ADCY1: variants seen among roughly 807,000 people sequenced by gnomAD.
The protein encoded by ADCY1 is adenylate cyclase 1.
A neutral mutation model predicts 105.4 loss-of-function variants in ADCY1; 28 were observed. That is an observed-to-expected ratio of 0.27 (90% confidence interval 0.20 to 0.36). ADCY1 has a LOEUF of 0.36. Ranked by LOEUF, ADCY1 falls within the 10% of genes least tolerant of loss-of-function variation. The pLI, the probability that ADCY1 is intolerant of heterozygous loss-of-function variation, is 1.00. For missense variants in ADCY1, 977 were observed against 1,434.2 expected, an observed-to-expected ratio of 0.68 and a Z score of 5.15; for synonymous variants, 655 against 623.8, an observed-to-expected ratio of 1.05 and a Z score of -0.75.
intron 2 of ADCY1, among the ~76,000 whole-genome samples, chr7:45,606,068 A>AG (rs1164638141): frequency 1.3e-5 from 2 of 152,088 alleles, no homozygotes; most frequent in African/African-American, 4.8e-5. Context: ...CCATGTGGGG[A>AG]GGGCTCCTTC....
At chr7:45,619,056 G>A (rs763585876) in intron 3 of ADCY1, among the ~76,000 whole-genome samples, 2 of 152,184 alleles carry the variant, frequency 1.3e-5, no homozygotes, top group African/African-American at 2.4e-5. Flanking sequence ...TCTGTCATTT[G>A]TGTCAACATG....
intron 5 of ADCY1, among the ~76,000 whole-genome samples, chr7:45,657,032 C>G (rs1794960225): frequency 6.6e-6 from 1 of 152,192 alleles, no homozygotes; most frequent in East Asian, 1.9e-4. Flanking sequence ...CTGGGGTTTC[C>G]CAGAAGCCCT....
chr7:45,588,248 C>A, intron 1 of ADCY1, among the ~76,000 whole-genome samples: 1 of 151,872 alleles, frequency 6.6e-6, no homozygotes, highest in South Asian at 2.1e-4. Context: ...TGTGTGTGTG[C>A]GTGTGTGTGT....
At chr7:45,581,723 A>G (rs1254649328) in intron 1 of ADCY1, among the ~76,000 whole-genome samples, 1 of 152,212 alleles carries the variant, frequency 6.6e-6, no homozygotes, top group African/African-American at 2.4e-5. Flanking sequence ...GAGCAAGGTA[A>G]TAGGAAGAGA....
chr7:45,701,660 T>C (rs1053683750), intron 14 of ADCY1, among the ~76,000 whole-genome samples: 4 of 152,202 alleles, frequency 2.6e-5, no homozygotes, highest in Non-Finnish European at 4.4e-5. Flanking sequence ...TAATTAATAA[T>C]GTGGGTCCTA....
chr7:45,679,785 C>G lies in ADCY1; in HGVS notation c.1975C>G (p.Arg659Gly). Residue 659 changes from arginine (R) to glycine (G), a missense_variant, in exon 11 of 20, where the codon CGG becomes GGG. Physicochemically the swap from Arg to Gly is moderately radical, Grantham distance 125. Coordinates refer to ENST00000297323, the MANE Select transcript of ADCY1 (RefSeq NM_021116.4). The part of the protein sequence containing the change: ...VACVLYLHIT[R>G]VQCFPGCLTI... ...CTGTGTCCTGTACCTGCACATCACC[C>G]GGGTCCAGGTATGTGGGTGGCCTGT... is the stretch of plus-strand genomic sequence containing the variant. The G allele has an allele frequency of 6.2e-7, 1 of 1,613,884 alleles. No homozygotes were observed. The highest frequency in any genetic ancestry group is 8.5e-7 in the Non-Finnish European group (1 of 1,179,936).
rs1384969499 is a variant in ADCY1 at position 45,627,088 on chromosome 7, A to G, written c.1020+4345A>G. Among the ~76,000 whole-genome samples the G allele has an allele frequency of 2.6e-5, 4 of 152,240 alleles. No homozygotes were observed. The East Asian group carries it at 5.8e-4, about 22-fold the overall frequency. On this transcript the variant is annotated intron_variant, in intron 4 of 19. Coordinates refer to ENST00000297323, the MANE Select transcript of ADCY1 (RefSeq NM_021116.4). ...CTTGAGTTTGGCTGCACTATGCAAC[A>G]TGAGGAGACAAAGGCCAAGTTGTTG...
intron 1 of ADCY1, among the ~76,000 whole-genome samples, chr7:45,583,951 T>TTG (rs1562673097): frequency 1.4e-5 from 2 of 145,414 alleles, no homozygotes; most frequent in Admixed American, 6.8e-5. Context: ...TTTTTTTTTT[T>TTG]TTTTTTTTTT....
At chr7:45,589,608 A>G (rs963187122) in intron 1 of ADCY1, among the ~76,000 whole-genome samples, 9 of 152,118 alleles carry the variant, frequency 5.9e-5, no homozygotes, top group Non-Finnish European at 1.2e-4. Flanking sequence ...GGAACTCTCA[A>G]TTCCAACACA....
rs531943538 is a variant in ADCY1 at position 45,606,748 on chromosome 7, C to T, written c.790-3631C>T. Among the ~76,000 whole-genome samples the T allele has an allele frequency of 1.4e-4, 21 of 152,308 alleles. No homozygotes were observed. The East Asian group carries it at 4.0e-3, about 29-fold the overall frequency. ...TTTTTTTAAGAGTACATTTAAGTCA[C>T]ATTTTGATAATCAAGATAAATTCGT... On this transcript the variant is annotated intron_variant, in intron 2 of 19. Coordinates refer to ENST00000297323, the MANE Select transcript of ADCY1 (RefSeq NM_021116.4).
At chr7:45,633,106 C>T (rs934503023) in intron 4 of ADCY1, among the ~76,000 whole-genome samples, 6 of 152,076 alleles carry the variant, frequency 3.9e-5, no homozygotes, top group African/African-American at 7.2e-5. Context: ...TTGGTAGAGA[C>T]GAGGTTTCAC....
intron 6 of ADCY1, 32 bp downstream of exon 6, chr7:45,657,917 AGGTG>A: frequency 2.3e-6 from 1 of 431,054 alleles, no homozygotes; most frequent in Non-Finnish European, 4.6e-6. Flanking sequence ...GAGGGGAGGG[AGGTG>A]GGTGATGGCT....
intron 4 of ADCY1, among the ~76,000 whole-genome samples, chr7:45,640,655 G>A (rs1729415535): frequency 6.6e-6 from 1 of 152,110 alleles, no homozygotes; most frequent in South Asian, 2.1e-4. Flanking sequence ...CATTATTTGA[G>A]GTCGCCAGCA....
At chr7:45,697,543 A>C (rs535822284) in intron 14 of ADCY1, among the ~76,000 whole-genome samples, 1 of 152,212 alleles carries the variant, frequency 6.6e-6, no homozygotes, top group African/African-American at 2.4e-5. Context: ...GGCATGCGCC[A>C]CCACGCCCGG....
chr7:45,647,924 T>G lies in ADCY1; in HGVS notation c.1021-746T>G, dbSNP rs1794706196. ...TTCAAGACATAAAGGGGTCCTGAAA[T>G]GGAAATGTTTTAGAGCTGCTGTTTT... On this transcript the variant is annotated intron_variant, in intron 4 of 19. Transcript: ENST00000297323. This position sits in a 1 kb window ranked among gnomAD's most constrained non-coding sequence, Gnocchi z 4.6. Among the ~76,000 whole-genome samples, 1 of 152,182 alleles carries G rather than the reference T, an allele frequency of 6.6e-6. No homozygotes were observed. The highest frequency in any genetic ancestry group is 1.5e-5 in the Non-Finnish European group (1 of 68,030).
chr7:45,605,193 ATTAT>A (rs1445599978), intron 2 of ADCY1, among the ~76,000 whole-genome samples: 1 of 152,144 alleles, frequency 6.6e-6, no homozygotes, highest in African/African-American at 2.4e-5. Flanking sequence ...TCTGAACTTA[ATTAT>A]TTGTTCTAGG....
Position 45,714,014 on chromosome 7 carries a change from C to G in ADCY1, c.*19C>G. 1.3e-6 allele frequency: 1 copy of G among 761,132 alleles called. No homozygotes were observed. Among genetic ancestry groups the G allele is most frequent in the Non-Finnish European group, 2.5e-6 (1 of 406,506 alleles). 47.1% of individuals were successfully genotyped at this position (761,132 alleles called of 1,614,324 possible). A position where few individuals can be genotyped will look rare whatever the true frequency, so the allele number is the denominator to read the frequency against. On this transcript the variant is annotated 3_prime_UTR_variant, in exon 20 of 20. Coordinates refer to ENST00000297323, the MANE Select transcript of ADCY1 (RefSeq NM_021116.4). ...GGCTTAGTGGAGCCCACGTGGGCCT[C>G]TGGGGTGCACATGGGGTGGGAATGC... is the stretch of plus-strand genomic sequence containing the variant.
In ADCY1 at chr7:45,678,184, G is replaced by C. The variant is rs1784495656; in HGVS notation, c.1819G>C (p.Glu607Gln). ...REQKYHQLQD[E>Q]YFTSAVVLTL... ...TACACAGTACCACCAGCTTCAGGAC[G>C]AGTATTTCACCAGCGCCGTTGTCCT... The change falls in exon 10 of 20, where the codon GAG (glutamate) becomes CAG (glutamine). Residue 607 changes from glutamate to glutamine, a missense_variant. By Grantham distance (29) the Glu-to-Gln change is conservative. Transcript: ENST00000297323. 4 of 1,614,178 alleles carry C rather than the reference G, an allele frequency of 2.5e-6. No individual in the cohort carries two copies. Among genetic ancestry groups the C allele is most frequent in the Non-Finnish European group, 8.5e-7 (1 of 1,180,030 alleles).
chr7:45,700,477 C>G (rs1434648312), intron 14 of ADCY1, among the ~76,000 whole-genome samples: 1 of 152,188 alleles, frequency 6.6e-6, no homozygotes, highest in Non-Finnish European at 1.5e-5. Context: ...GGAGAAGTTC[C>G]TTTCCCTCTG....
Sources: allele counts gnomAD v4.1 joint callset (sites outside exome capture counted in the v4.1 genomes callset), GRCh38; gene constraint gnomAD v4.1.1; non-coding constraint Gnocchi (gnomAD v3.1); transcripts MANE v1.5; gene names NCBI Gene and HGNC (gene_info 2026-07-23, HGNC 2026-07-21).